GRK2: variants seen among roughly 807,000 people sequenced by gnomAD.
GRK2 encodes the protein G protein-coupled receptor kinase 2, also known as adrenergic beta receptor kinase 1.
Under a neutral mutation model 97.8 loss-of-function variants are expected in GRK2, and 23 were observed. The ratio of observed to expected loss-of-function variants is 0.24; its 90% CI spans 0.17 to 0.33. GRK2 has a LOEUF of 0.33. GRK2 is among the 10% of genes least tolerant of loss of function. The pLI is 1.00. For missense variants in GRK2, 633 were observed against 956.9 expected (o/e 0.66, Z 4.47); for synonymous variants, 425 against 381.7 (o/e 1.11, Z -1.32).
chr11:67,285,607 C>G lies in GRK2; in HGVS notation c.*157C>G. 1.0e-6 allele frequency: 1 copy of G among 987,112 alleles called. No individual in the cohort carries two copies. Among genetic ancestry groups the G allele is most frequent in the Non-Finnish European group, 1.4e-6 (1 of 701,086 alleles). The allele number at this position is 987,112 out of a possible 1,614,324, so 61.1% of individuals were successfully genotyped here. ...CCCGGGAGGGGCCCGCTTGCCTCGG[C>G]TCCTGCTGCACCAACCCAGCCGCTG... On this transcript the variant is annotated 3_prime_UTR_variant, in exon 21 of 21. Coordinates refer to ENST00000308595, the MANE Select transcript of GRK2 (RefSeq NM_001619.5).
rs200473044 is a variant in GRK2 at position 67,280,723 on chromosome 11, C to T, written c.504-9C>T. ...GAGTGGCCCCTGAGCCCTGATTCTTCTTTTCCAGCGATAAGTTCACACGGT... is the reference window on the plus strand; with the variant it reads ...GAGTGGCCCCTGAGCCCTGATTCTTTTTTTCCAGCGATAAGTTCACACGGT... On this transcript the variant is annotated splice_polypyrimidine_tract_variant and intron_variant, in intron 6 of 20. Coordinates refer to ENST00000308595, the MANE Select transcript of GRK2 (RefSeq NM_001619.5). The T allele has an allele frequency of 1.9e-6, 3 of 1,614,052 alleles. No homozygotes were observed. Among genetic ancestry groups the T allele is most frequent in the East Asian group, 2.2e-5 (1 of 44,878 alleles).
chr11:67,266,659 C>CGGG lies in GRK2; in HGVS notation c.-39_-38insGGG. The CGGG allele has an allele frequency of 1.1e-6, 1 of 950,732 alleles. No homozygotes were observed. Among genetic ancestry groups the CGGG allele is most frequent in the South Asian group, 4.2e-5 (1 of 23,696 alleles). The allele number at this position is 950,732 out of a possible 1,614,324, so 58.9% of individuals were successfully genotyped here. ...AGCGCCGAGCGAGCAGGAGCGGCGGCGGCGGCGGCGGCGGCGGGAGGAGGC... is the reference window on the plus strand; with the variant it reads ...AGCGCCGAGCGAGCAGGAGCGGCGGCGGGGGCGGCGGCGGCGGCGGGAGGAGGC... On this transcript the variant is annotated 5_prime_UTR_variant, in exon 1 of 21. Coordinates refer to ENST00000308595, the MANE Select transcript of GRK2 (RefSeq NM_001619.5).
chr11:67,272,044 G>A (rs909937368), intron 1 of GRK2, among the ~76,000 whole-genome samples: 4 of 152,302 alleles, frequency 2.6e-5, no homozygotes, highest in South Asian at 4.1e-4. Flanking sequence ...AGCTTGCACC[G>A]TCCTGGCGTG....
At chr11:67,284,806 C>T (rs1383172660) in intron 18 of GRK2, 41 bp from the exon 19 acceptor site, 1 of 1,598,888 alleles carries the variant, frequency 6.3e-7, no homozygotes, top group East Asian at 2.2e-5. Flanking sequence ...AAAAAGAAAC[C>T]CAGGTGGGGC....
In GRK2 at chr11:67,269,414, C is replaced by T. The variant is rs528845837; in HGVS notation, c.113+2602C>T. On this transcript the variant is annotated intron_variant, in intron 1 of 20. Coordinates refer to ENST00000308595, the MANE Select transcript of GRK2 (RefSeq NM_001619.5). The surrounding 1 kb of genome is among the most constrained non-coding windows in gnomAD (Gnocchi z 4.1). Reference sequence around the variant, plus strand: ...GGAATGGGGCCTCGGGTTTCTGGACCACACAGGCCAGTGCTGTTTCTTTGC... The same window carrying T: ...GGAATGGGGCCTCGGGTTTCTGGACTACACAGGCCAGTGCTGTTTCTTTGC... Among the ~76,000 whole-genome samples the T allele has an allele frequency of 2.0e-5, 3 of 152,298 alleles. No individual in the cohort carries two copies. Among genetic ancestry groups the T allele is most frequent in the African/African-American group, 7.2e-5 (3 of 41,548 alleles).
intron 1 of GRK2, among the ~76,000 whole-genome samples, chr11:67,275,002 G>A (rs1859999229): frequency 6.6e-6 from 1 of 152,122 alleles, no homozygotes; most frequent in Non-Finnish European, 1.5e-5. Context: ...TGCGAACTCA[G>A]GGTCACCTAG....
At chr11:67,284,045 GC>G in intron 17 of GRK2, 96 bp downstream of exon 17, 2 of 1,420,842 alleles carry the variant, frequency 1.4e-6, no homozygotes, top group Admixed American at 4.0e-5. Flanking sequence ...CCCTGTGCCA[GC>G]CCTGCCAGCT....
intron 19 of GRK2, 36 bp from the exon 20 acceptor site, chr11:67,285,039 G>A (rs371921907): frequency 1.8e-5 from 29 of 1,612,278 alleles, no homozygotes; most frequent in South Asian, 6.6e-5. Flanking sequence ...TGGCCGGCCC[G>A]GCTCTTACCT....
chr11:67,284,825 TCTC>T lies in GRK2; in HGVS notation c.1655-18_1655-16del, dbSNP rs760257635. ...AGAAACCCAGGTGGGGCCGGCTGAG[TCTC>T]CTCTGTCTCTCGCCTCAGACTACGC... On this transcript the variant is annotated intron_variant, in intron 18 of 20. Transcript: ENST00000308595. 3.7e-6 allele frequency: 6 copies of T among 1,608,698 alleles called. 1 individual carries two copies. In the Admixed American group the frequency reaches 5.0e-5, roughly 13 times the overall value.
At chr11:67,272,436 G>T (rs1290996536) in intron 1 of GRK2, among the ~76,000 whole-genome samples, 2 of 152,178 alleles carry the variant, frequency 1.3e-5, no homozygotes, top group African/African-American at 2.4e-5. Context: ...TGTCCACACA[G>T]CTACAGCCTC....
At chr11:67,274,530 T>TTTTTTTTTTTTTTTTTTTTTTTC (rs1187781734) in intron 1 of GRK2, among the ~76,000 whole-genome samples, 1 of 141,372 alleles carries the variant, frequency 7.1e-6, no homozygotes, top group Non-Finnish European at 1.5e-5. Context: ...TTTGCTTTTT[T>TTTTTTTTTTTTTTTTTTTTTTTC]TCATCCCCTT....
intron 15 of GRK2, 24 bp downstream of exon 15, chr11:67,283,252 A>G (rs1860194542): frequency 1.2e-6 from 2 of 1,601,302 alleles, no homozygotes; most frequent in South Asian, 2.2e-5. Context: ...CGCCTTGGGC[A>G]TGCTGCTGGC....
intron 1 of GRK2, among the ~76,000 whole-genome samples, chr11:67,275,618 C>T (rs539254736): frequency 2.0e-5 from 3 of 152,352 alleles, no homozygotes; most frequent in African/African-American, 7.2e-5. Context: ...TGTGAAGCCC[C>T]CTGGTTTGCA....
rs748617781 is a variant in GRK2, at chr11:67,285,075, C to G, written c.1792C>G (p.Gln598Glu). 1 of 1,613,180 alleles carries G rather than the reference C, an allele frequency of 6.2e-7. No individual in the cohort carries two copies. The highest frequency in any genetic ancestry group is 8.5e-7 in the Non-Finnish European group (1 of 1,179,910). ...LEWRGEGEAP[Q>E]SLLTMEEIQS... is the part of the protein sequence containing the mutation. Reference sequence around the variant, plus strand: ...GCACCACCCATCCCTGGCCCTGCAGCAGAGCCTGCTGACCATGGAGGAGAT... The same window carrying G: ...GCACCACCCATCCCTGGCCCTGCAGGAGAGCCTGCTGACCATGGAGGAGAT... The change falls in exon 20 of 21, where the codon CAG becomes GAG. Residue 598 changes from glutamine to glutamate, a missense_variant and splice_region_variant. Physicochemically the swap from Gln to Glu is conservative, Grantham distance 29. Around this residue, in one of 4 missense-constraint regions of GRK2, gnomAD observed 180 missense variants for 311.3 expected, o/e 0.58. Coordinates refer to ENST00000308595, the MANE Select transcript of GRK2 (RefSeq NM_001619.5).
chr11:67,283,184 G>A lies in GRK2; in HGVS notation c.1284G>A (p.Leu428=), dbSNP rs2136504265. Residue 428 remains leucine, a synonymous_variant, in exon 15 of 21, where the codon TTG becomes TTA. Transcript: ENST00000308595. ...AACTACGCTCCCTGCTGGAGGGGTTGCTGCAGAGGGATGTCAACCGGAGAT... is the reference window on the plus strand; with the variant it reads ...AACTACGCTCCCTGCTGGAGGGGTTACTGCAGAGGGATGTCAACCGGAGAT... ...SPELRSLLEG[L]LQRDVNRRLG... 1 of 1,613,998 alleles carries A rather than the reference G, an allele frequency of 6.2e-7. No individual in the cohort carries two copies. The highest frequency in any genetic ancestry group is 8.5e-7 in the Non-Finnish European group (1 of 1,179,974).
In GRK2 at chr11:67,284,330, G is replaced by A. The variant is rs1261831247; in HGVS notation, c.1611G>A (p.Glu537=). ...DTINAETDRL[E]ARKKAKNKQL... ...TCAACGCTGAGACAGACCGGCTGGA[G>A]GCTCGCAAGAAAGCCAAGAACAAGC... is the stretch of plus-strand genomic sequence containing the variant. The change falls in exon 18 of 21, where the codon GAG becomes GAA. Residue 537 remains glutamate, a synonymous_variant. Coordinates refer to ENST00000308595, the MANE Select transcript of GRK2 (RefSeq NM_001619.5). The A allele has an allele frequency of 1.2e-6, 2 of 1,613,110 alleles. No homozygotes were observed. The highest frequency in any genetic ancestry group is 1.7e-5 in the Admixed American group (1 of 60,018).
At chr11:67,284,422 T>C (rs370412843) in intron 18 of GRK2, 49 bp downstream of exon 18, 5 of 1,592,618 alleles carry the variant, frequency 3.1e-6, no homozygotes, top group African/African-American at 2.7e-5. Flanking sequence ...TGCTTAGAAG[T>C]GAGCAGCTGG....
chr11:67,283,158 G>C lies in GRK2; in HGVS notation c.1258G>C (p.Glu420Gln), dbSNP rs778421554. Residue 420 changes from glutamate (E) to glutamine (Q), a missense_variant, in exon 15 of 21, where the codon GAA becomes CAA. By Grantham distance (29) the Glu-to-Gln change is conservative (BLOSUM62 2). This residue lies in a region of GRK2 where 68 missense variants were observed against 71.0 expected (regional missense o/e 0.96). Transcript: ENST00000308595. ...AVELPDSFSP[E>Q]LRSLLEGLLQ... ...GGAGCTGCCCGACTCCTTCTCCCCT[G>C]AACTACGCTCCCTGCTGGAGGGGTT... 22 of 1,614,006 alleles carry C rather than the reference G, an allele frequency of 1.4e-5. No homozygotes were observed. The highest frequency in any genetic ancestry group is 1.9e-5 in the Non-Finnish European group (22 of 1,179,988).
intron 1 of GRK2, among the ~76,000 whole-genome samples, chr11:67,272,657 T>C (rs1363376466): frequency 6.6e-6 from 1 of 152,214 alleles, no homozygotes; most frequent in Non-Finnish European, 1.5e-5. Context: ...CAGGCCGCTG[T>C]AACTGCAGGG....
Sources: gnomAD v4.1 joint callset for allele counts (sites outside exome capture counted in the v4.1 genomes callset) on GRCh38, gnomAD v4.1.1 for gene constraint, gnomAD v4.1.1 regional missense constraint, Gnocchi (gnomAD v3.1) non-coding constraint, MANE v1.5 for transcripts, NCBI Gene and HGNC (gene_info 2026-07-23, HGNC 2026-07-21) for gene names.